TTC8: variants seen among roughly 807,000 people sequenced by gnomAD.
The protein encoded by TTC8 is tetratricopeptide repeat domain 8, also known as tetratricopeptide repeat protein 8.
In TTC8, 47 loss-of-function variants were observed where a neutral mutation model predicts 72.5. The ratio of observed to expected loss-of-function variants is 0.65; its 90% CI spans 0.51 to 0.83. The LOEUF is 0.83. Ranked by LOEUF, TTC8 falls within the 40% of genes least tolerant of loss-of-function variation. The pLI is 0.00. For synonymous variants in TTC8, 199 were observed against 221.4 expected (o/e 0.90, Z 0.90); for missense variants, 611 against 623.2 (o/e 0.98, Z 0.21).
intron 1 of TTC8, among the ~76,000 whole-genome samples, chr14:88,830,327 C>G (rs901083880): frequency 6.6e-6 from 1 of 152,156 alleles, no homozygotes; most frequent in East Asian, 1.9e-4. Flanking sequence ...AAGTGGCACT[C>G]TACTTTCCAT....
chr14:88,857,039 G>C, intron 8 of TTC8, 151 bp from the exon 9 acceptor site: 1 of 731,236 alleles, frequency 1.4e-6, no homozygotes, highest in Non-Finnish European at 2.4e-6. Flanking sequence ...TTGCTAAGCT[G>C]TATAAATAAA....
chr14:88,841,161 A>G lies in TTC8; in HGVS notation c.454A>G (p.Thr152Ala), dbSNP rs761607328. The G allele has an allele frequency of 6.2e-7, 1 of 1,614,066 alleles. No individual in the cohort carries two copies. The highest frequency in any genetic ancestry group is 8.5e-7 in the Non-Finnish European group (1 of 1,180,000). ...AACCGCCTACACAGCCCGCCCTATC[A>G]CCAGCTCCTCCGGAAGATTTGTCAG... ...PRTAYTARPI[T>A]SSSGRFVRLG... is the part of the protein sequence containing the mutation. Residue 152 changes from threonine to alanine, a missense_variant, in exon 5 of 15, where the codon ACC becomes GCC. Physicochemically the swap from Thr to Ala is moderately conservative, Grantham distance 58. Coordinates refer to ENST00000380656, the MANE Select transcript of TTC8 (RefSeq NM_144596.4).
chr14:88,858,209 G>T (rs537421753), intron 9 of TTC8, among the ~76,000 whole-genome samples: 2 of 152,234 alleles, frequency 1.3e-5, no homozygotes, highest in East Asian at 3.9e-4. Context: ...TGATCCTCCC[G>T]CCTCAGCCTC....
Position 88,877,305 on chromosome 14 carries a change from G to C in TTC8, c.1443G>C (p.Leu481=), listed in dbSNP as rs754657966. The part of the protein sequence containing the change: ...FATISDKIGD[L]QRSYVAAQKS... The stretch of plus-strand genomic sequence containing the variant: ...TGTATTTTTTGCAGATTGGAGATCT[G>C]CAGAGAAGCTATGTTGCTGCGCAGA... The change falls in exon 15 of 15, where the codon CTG becomes CTC. Residue 481 remains leucine, a synonymous_variant. Transcript: ENST00000380656. The C allele has an allele frequency of 6.2e-7, 1 of 1,613,332 alleles. No homozygotes were observed. Among genetic ancestry groups the C allele is most frequent in the East Asian group, 2.2e-5 (1 of 44,786 alleles).
Position 88,871,439 on chromosome 14 carries a change from CAAA to C in TTC8, c.1050-107_1050-105del, listed in dbSNP as rs902919887. On this transcript the variant is annotated intron_variant, in intron 11 of 14. Transcript: ENST00000380656. The surrounding 1 kb of genome is among the most constrained non-coding windows in gnomAD (Gnocchi z 4.1). Reference sequence around the variant, plus strand: ...ACGTATTTATATTCTTAAGGAGTATCAAAAATCACAAGATGAATTCATTTTTAA... The same window carrying C: ...ACGTATTTATATTCTTAAGGAGTATCAATCACAAGATGAATTCATTTTTAA... The C allele has an allele frequency of 2.6e-5, 26 of 1,007,976 alleles. No homozygotes were observed. In the African/African-American group the frequency reaches 4.1e-4, roughly 16 times the overall value. 62.4% of individuals were successfully genotyped at this position (1,007,976 alleles called of 1,614,324 possible).
At chr14:88,855,972 C>T (rs1281635192) in intron 8 of TTC8, among the ~76,000 whole-genome samples, 1 of 152,196 alleles carries the variant, frequency 6.6e-6, no homozygotes, top group Non-Finnish European at 1.5e-5. Context: ...GTAATCCCAG[C>T]TACTTGGGAG....
intron 14 of TTC8, 32 bp downstream of exon 14, chr14:88,875,141 A>T (rs1409806396): frequency 1.3e-6 from 2 of 1,546,820 alleles, no homozygotes; most frequent in Admixed American, 1.7e-5. Flanking sequence ...TTATCATCTG[A>T]TCTGTTCTTT....
At chr14:88,874,971 T>G in intron 13 of TTC8, 55 bp from the exon 14 acceptor site, 1 of 1,368,100 alleles carries the variant, frequency 7.3e-7, no homozygotes, top group Non-Finnish European at 1.0e-6. Flanking sequence ...ACAAATATGG[T>G]GCTGATATAT....
intron 1 of TTC8, among the ~76,000 whole-genome samples, chr14:88,825,442 A>G (rs1433731981): frequency 6.6e-6 from 1 of 152,228 alleles, no homozygotes; most frequent in African/African-American, 2.4e-5. Context: ...AGAAATGGGA[A>G]AGAAAGGCTC....
At chr14:88,847,221 T>C (rs2140988690) in intron 7 of TTC8, among the ~76,000 whole-genome samples, 1 of 152,262 alleles carries the variant, frequency 6.6e-6, no homozygotes, top group East Asian at 1.9e-4. Flanking sequence ...TAAAAACCAA[T>C]GGTTAATAGA....
intron 7 of TTC8, among the ~76,000 whole-genome samples, chr14:88,849,404 G>T (rs2094823090): frequency 6.6e-6 from 1 of 152,136 alleles, no homozygotes. Flanking sequence ...GCTGGAAAAA[G>T]AAAACAGGAA....
chr14:88,878,598 C>G (rs1055561889), downstream of TTC8: 4 of 152,186 alleles, frequency 2.6e-5, no homozygotes, highest in African/African-American at 9.6e-5. Flanking sequence ...CTTGTTCCTG[C>G]ACCTTAGACT....
At chr14:88,841,803 T>C (rs2094783041) in intron 6 of TTC8, among the ~76,000 whole-genome samples, 1 of 152,196 alleles carries the variant, frequency 6.6e-6, no homozygotes, top group African/African-American at 2.4e-5. Flanking sequence ...GAATGAAGCT[T>C]AAGAAGTCAT....
At position 88,840,945 on chromosome 14, in the gene TTC8, C is replaced by T; in HGVS notation, c.329+17C>T. Reference sequence around the variant, plus strand: ...GGCCGTTAGGTATGTACTTCTGCTTCATAACCTCTGCCACTAAATATTGAT... The same window carrying T: ...GGCCGTTAGGTATGTACTTCTGCTTTATAACCTCTGCCACTAAATATTGAT... On this transcript the variant is annotated intron_variant, in intron 4 of 14. Coordinates refer to ENST00000380656, the MANE Select transcript of TTC8 (RefSeq NM_144596.4). 1 of 1,614,104 alleles carries T rather than the reference C, an allele frequency of 6.2e-7. No homozygotes were observed. Among genetic ancestry groups the T allele is most frequent in the South Asian group, 1.1e-5 (1 of 91,084 alleles).
At chr14:88,863,004 T>C (rs2094895226) in intron 10 of TTC8, among the ~76,000 whole-genome samples, 1 of 150,560 alleles carries the variant, frequency 6.6e-6, no homozygotes, top group Non-Finnish European at 1.5e-5. Context: ...GATTGTAGGA[T>C]TGGCCTATCA....
At chr14:88,827,958 T>C (rs1037223278) in intron 1 of TTC8, among the ~76,000 whole-genome samples, 1 of 152,122 alleles carries the variant, frequency 6.6e-6, no homozygotes, top group Non-Finnish European at 1.5e-5. Flanking sequence ...GCTTTTGATA[T>C]GTATTTGCTG....
At chr14:88,851,080 A>G (rs2094831409) in intron 7 of TTC8, among the ~76,000 whole-genome samples, 1 of 152,296 alleles carries the variant, frequency 6.6e-6, no homozygotes, top group African/African-American at 2.4e-5. Flanking sequence ...AGGATGTTTA[A>G]GATCAGGGGG....
At chr14:88,866,724 A>G (rs538298963) in intron 10 of TTC8, among the ~76,000 whole-genome samples, 6 of 152,276 alleles carry the variant, frequency 3.9e-5, no homozygotes, top group South Asian at 2.1e-4. Context: ...TTGTTGAACT[A>G]TGGTCAACAT....
At chr14:88,829,934 C>T (rs1294458535) in intron 1 of TTC8, among the ~76,000 whole-genome samples, 1 of 152,114 alleles carries the variant, frequency 6.6e-6, no homozygotes, top group Non-Finnish European at 1.5e-5. Flanking sequence ...AGACTTAATC[C>T]TTTGATTCTA....
Sources: gnomAD v4.1 joint callset for allele counts (sites outside exome capture counted in the v4.1 genomes callset) on GRCh38, gnomAD v4.1.1 for gene constraint, Gnocchi (gnomAD v3.1) non-coding constraint, MANE v1.5 for transcripts, NCBI Gene and HGNC (gene_info 2026-07-23, HGNC 2026-07-21) for gene names.